The following NEIL3 variants were observed in gnomAD, a reference collection of about 807,000 sequenced individuals.
NEIL3 encodes the protein endonuclease 8-like 3.
Under a neutral mutation model 57.5 loss-of-function variants are expected in NEIL3, and 48 were observed. The observed-to-expected ratio is 0.83, with a 90% CI of 0.66 to 1.06. The LOEUF (loss-of-function observed/expected upper bound fraction) is 1.06. Ranked by LOEUF, NEIL3 falls within the 50% of genes least tolerant of loss-of-function variation. The pLI is 0.00. For synonymous variants in NEIL3, 261 were observed against 253.2 expected (o/e 1.03, Z -0.29); for missense variants, 717 against 739.1 (o/e 0.97, Z 0.35).
Position 177,353,529 on chromosome 4 carries a change from C to T in NEIL3, c.1261C>T (p.Pro421Ser). ...AGATGAGGAGTTTCAAAACTCTCCT[C>T]CTGCTAGTGTTTGTTTGAATGATAT... is the stretch of plus-strand genomic sequence containing the variant. ...ILDEEFQNSP[P>S]ASVCLNDIQH... The change falls in exon 8 of 10, where the codon CCT becomes TCT. Residue 421 changes from proline (P) to serine (S), a missense_variant. Pro to Ser is a moderately conservative substitution (Grantham distance 74, BLOSUM62 -1). Transcript: ENST00000264596. 1 of 1,613,282 alleles carries T rather than the reference C, an allele frequency of 6.2e-7. No homozygotes were observed. The highest frequency in any genetic ancestry group is 8.5e-7 in the Non-Finnish European group (1 of 1,179,444).
chr4:177,339,960 A>G (rs1047017342), intron 5 of NEIL3, 103 bp downstream of exon 5: 4 of 723,804 alleles, frequency 5.5e-6, no homozygotes, highest in Admixed American at 2.2e-5. Context: ...TCTAGTGGAA[A>G]GAGCATGGAG....
intron 6 of NEIL3, 50 bp downstream of exon 6, chr4:177,341,692 A>C: frequency 6.8e-7 from 1 of 1,461,622 alleles, no homozygotes; most frequent in Non-Finnish European, 9.4e-7. Context: ...CATCTAACTA[A>C]AAGGCTAATA....
intron 1 of NEIL3, among the ~76,000 whole-genome samples, chr4:177,320,764 G>A (rs917323581): frequency 6.6e-6 from 1 of 151,944 alleles, no homozygotes; most frequent in African/African-American, 2.4e-5. Flanking sequence ...ACCGCGCCGG[G>A]CCTGCTGTCA....
intron 6 of NEIL3, among the ~76,000 whole-genome samples, chr4:177,343,897 G>A (rs778032534): frequency 5.3e-5 from 8 of 151,818 alleles, no homozygotes; most frequent in East Asian, 3.9e-4. Context: ...TAGATACTGC[G>A]TTGAACACAG....
At chr4:177,355,920 C>A (rs960458124) in intron 8 of NEIL3, among the ~76,000 whole-genome samples, 1 of 152,018 alleles carries the variant, frequency 6.6e-6, no homozygotes, top group African/African-American at 2.4e-5. Context: ...AACTTTTGTT[C>A]ATATACTCAC....
intron 1 of NEIL3, among the ~76,000 whole-genome samples, chr4:177,317,020 A>G (rs566205768): frequency 6.6e-6 from 1 of 152,324 alleles, no homozygotes; most frequent in African/African-American, 2.4e-5. Context: ...TATTCAAGCC[A>G]AGGTCATATA....
At chr4:177,355,658 G>C (rs991867756) in intron 8 of NEIL3, among the ~76,000 whole-genome samples, 33 of 152,136 alleles carry the variant, frequency 2.2e-4, no homozygotes, top group African/African-American at 7.7e-4. Context: ...CTTATTAGCT[G>C]TGCCTTTACT....
chr4:177,330,055 A>G (rs1407688167), intron 2 of NEIL3, among the ~76,000 whole-genome samples: 1 of 151,980 alleles, frequency 6.6e-6, no homozygotes, highest in East Asian at 1.9e-4. Flanking sequence ...GGGATTACAG[A>G]CGCCTGCTAC....
At chr4:177,361,058 G>T (rs1735599111) in intron 9 of NEIL3, among the ~76,000 whole-genome samples, 1 of 152,186 alleles carries the variant, frequency 6.6e-6, no homozygotes, top group Admixed American at 6.5e-5. Flanking sequence ...TTTGGTTTAT[G>T]CATTGGATAA....
intron 1 of NEIL3, among the ~76,000 whole-genome samples, chr4:177,316,844 G>A (rs1327565028): frequency 3.9e-5 from 6 of 152,236 alleles, no homozygotes; most frequent in East Asian, 1.9e-4. Context: ...AATACTATGC[G>A]AAATTTGGCA....
chr4:177,331,484 C>T (rs1734883478), intron 2 of NEIL3, among the ~76,000 whole-genome samples: 1 of 151,504 alleles, frequency 6.6e-6, no homozygotes, highest in Non-Finnish European at 1.5e-5. Context: ...GATTAAGAAT[C>T]AATATTTTAA....
At chr4:177,339,670 G>C (rs1165688974) in intron 4 of NEIL3, 113 bp from the exon 5 acceptor site, 2 of 710,612 alleles carry the variant, frequency 2.8e-6, no homozygotes, top group Non-Finnish European at 4.8e-6. Context: ...TCAAAGGTCA[G>C]CTGTATTCAA....
chr4:177,351,814 TCTA>T (rs1735359288), intron 7 of NEIL3, among the ~76,000 whole-genome samples: 1 of 152,246 alleles, frequency 6.6e-6, no homozygotes, highest in Admixed American at 6.5e-5. Context: ...ACATCTGTTC[TCTA>T]CTGTTTCTAA....
chr4:177,362,216 A>G (rs6820069), intron 9 of NEIL3, 73 bp from the exon 10 acceptor site: 26,530 of 1,169,908 alleles, frequency 0.023, 430 homozygotes, highest in Middle Eastern at 0.089. Context: ...CACTAATCAC[A>G]TGTGCCTAGG....
chr4:177,316,200 G>A (rs1734571032), intron 1 of NEIL3, among the ~76,000 whole-genome samples: 1 of 152,170 alleles, frequency 6.6e-6, no homozygotes, highest in African/African-American at 2.4e-5. Context: ...ACTGTACCGT[G>A]AGTAACTGAA....
In NEIL3 at chr4:177,333,522, T is replaced by C. The variant is rs35316050; in HGVS notation, c.279-2166T>C. On this transcript the variant is annotated intron_variant, in intron 2 of 9. Coordinates refer to ENST00000264596, the MANE Select transcript of NEIL3 (RefSeq NM_018248.3). ...AAAACTTCTTTAAAATTTAAAAAAG[T>C]GTATGAAGTATCTTACAAAACCTGA... Among the ~76,000 whole-genome samples, 1,334 of 152,304 alleles carry C rather than the reference T, an allele frequency of 8.8e-3. 18 individuals carry two copies. The highest frequency in any genetic ancestry group is 0.03 in the African/African-American group (1,265 of 41,572).
At position 177,360,662 on chromosome 4, in the gene NEIL3, A is replaced by G. The variant is rs747682017; in HGVS notation, c.1620A>G (p.Gln540=). 1 of 1,607,236 alleles carries G rather than the reference A, an allele frequency of 6.2e-7. No homozygotes were observed. Among genetic ancestry groups the G allele is most frequent in the Non-Finnish European group, 8.5e-7 (1 of 1,176,736 alleles). Reference sequence around the variant, plus strand: ...CCTGTCCTCTACCTAGAGAAGCACAATGTGGATTTTTTGAAGTATGTGTAA... The same window carrying G: ...CCTGTCCTCTACCTAGAGAAGCACAGTGTGGATTTTTTGAAGTATGTGTAA... ...FYACPLPREA[Q]CGFFEWADLS... Residue 540 remains glutamine, a synonymous_variant, in exon 9 of 10, where the codon CAA becomes CAG. Coordinates refer to ENST00000264596, the MANE Select transcript of NEIL3 (RefSeq NM_018248.3).
intron 7 of NEIL3, 63 bp downstream of exon 7, chr4:177,351,612 G>A: frequency 1.5e-6 from 2 of 1,291,146 alleles, no homozygotes; most frequent in Non-Finnish European, 2.2e-6. Flanking sequence ...TACAAAGTCA[G>A]GAATATATCT....
At chr4:177,312,678 G>C (rs1734499587) in intron 1 of NEIL3, among the ~76,000 whole-genome samples, 1 of 151,968 alleles carries the variant, frequency 6.6e-6, no homozygotes, top group African/African-American at 2.4e-5. Context: ...GGCATTTAAA[G>C]GTATTATTTT....
Sources: allele counts gnomAD v4.1 joint callset (sites outside exome capture counted in the v4.1 genomes callset), GRCh38; gene constraint gnomAD v4.1.1; transcripts MANE v1.5; gene names NCBI Gene and HGNC (gene_info 2026-07-23, HGNC 2026-07-21).